The following TBC1D31 variants were observed in gnomAD, a reference collection of about 807,000 sequenced individuals.
TBC1D31 encodes TBC1 domain family member 31, also known as WD repeat domain 67.
A neutral mutation model predicts 132.9 loss-of-function variants in TBC1D31; 99 were observed. That is an observed-to-expected ratio of 0.74 (90% confidence interval 0.63 to 0.88). TBC1D31 has a LOEUF of 0.88. Among genes scored for constraint, TBC1D31 ranks in the 40% least tolerant of loss-of-function variants. The probability of loss-of-function intolerance (pLI) is 0.00; values close to 1 mark genes in which losing one functional copy is unlikely to be tolerated. For missense variants in TBC1D31, 1,134 were observed against 1,256.6 expected (o/e 0.90, Z 1.48); for synonymous variants, 385 against 419.4 (o/e 0.92, Z 1.00).
intron 11 of TBC1D31, chr8:123,123,781 G>A (rs1586680417): frequency 6.6e-6 from 1 of 152,184 alleles, no homozygotes; most frequent in South Asian, 2.1e-4. Flanking sequence ...TGAAATGTAA[G>A]GCTCCAGAAC....
the TBC1D31 span, among the ~76,000 whole-genome samples, chr8:123,164,773 C>A: frequency 6.6e-6 from 1 of 151,914 alleles, no homozygotes; most frequent in Admixed American, 6.6e-5. Context: ...GTACACAAGT[C>A]AAGTCCCCTC....
At chr8:123,114,676 A>G (rs1488739159) in intron 10 of TBC1D31, among the ~76,000 whole-genome samples, 1 of 152,228 alleles carries the variant, frequency 6.6e-6, no homozygotes, top group Non-Finnish European at 1.5e-5. Flanking sequence ...AATGACAAAA[A>G]GAATATTCCT....
rs199844255 is a variant in TBC1D31 at position 123,109,872 on chromosome 8, TC to T, written c.1436+253del. 7.5e-3 allele frequency among the ~76,000 whole-genome samples: 1,135 copies of T among 152,286 alleles called. 15 individuals are homozygous for T. The highest frequency in any genetic ancestry group is 0.026 in the African/African-American group (1,064 of 41,560). On this transcript the variant is annotated intron_variant, in intron 10 of 21. Coordinates refer to ENST00000287380, the MANE Select transcript of TBC1D31 (RefSeq NM_145647.4). ...ACTTTGGGAGGCCAAGGCGGGCAGA[TC>T]AGCTGAGGTCAGGAATTGGCGACCA...
rs76388203 is a variant in TBC1D31 at position 123,102,257 on chromosome 8, G to A, written c.1032+1250G>A. On this transcript the variant is annotated intron_variant, in intron 7 of 21. Coordinates refer to ENST00000287380, the MANE Select transcript of TBC1D31 (RefSeq NM_145647.4). ...TTTCATTTTACACAGGAAGAAGTTCGTGCTCAAAATTAATCACACAGCGAG... is the reference window on the plus strand; with the variant it reads ...TTTCATTTTACACAGGAAGAAGTTCATGCTCAAAATTAATCACACAGCGAG... The A allele has an allele frequency of 8.7e-3, 3,960 of 456,544 alleles. 139 individuals are homozygous for A. The highest frequency in any genetic ancestry group is 0.07 in the African/African-American group (3,516 of 50,138). 28.3% of individuals were successfully genotyped at this position (456,544 alleles called of 1,614,324 possible).
At chr8:123,146,343 C>CA (rs1161250431) in intron 20 of TBC1D31, among the ~76,000 whole-genome samples, 1 of 152,182 alleles carries the variant, frequency 6.6e-6, no homozygotes, top group East Asian at 1.9e-4. Flanking sequence ...CTCACTCCCC[C>CA]AAGCCCCTGG....
At chr8:123,150,751 C>T (rs1740027207) in intron 21 of TBC1D31, among the ~76,000 whole-genome samples, 1 of 152,178 alleles carries the variant, frequency 6.6e-6, no homozygotes, top group South Asian at 2.1e-4. Flanking sequence ...AGCATTAGGC[C>T]ATCCATAAAG....
intron 16 of TBC1D31, among the ~76,000 whole-genome samples, chr8:123,131,363 CAA>C (rs59929988): frequency 0.014 from 917 of 64,836 alleles, 3 homozygotes; most frequent in African/African-American, 0.048. Flanking sequence ...GACTCAGTCT[CAA>C]AAAAAAAAAA....
rs866387110 is a variant in TBC1D31 at position 123,131,322 on chromosome 8, C to T, written c.2406+989C>T. On this transcript the variant is annotated intron_variant, in intron 16 of 21. Transcript: ENST00000287380. ...GATGCTGCAGTGAGCCGAGATCATG[C>T]CACTGCACTCCAGCCTGAGCGACAG... 6.2e-5 allele frequency among the ~76,000 whole-genome samples: 9 copies of T among 144,624 alleles called. No homozygotes were observed. The South Asian group carries it at 1.3e-3, about 22-fold the overall frequency. The allele number at this position is 144,624 out of a possible 152,430, so 94.9% of individuals were successfully genotyped here. A position where few individuals can be genotyped will look rare whatever the true frequency, so the allele number is the denominator to read the frequency against.
At chr8:123,095,798 C>G (rs975594982) in intron 5 of TBC1D31, among the ~76,000 whole-genome samples, 2 of 152,116 alleles carry the variant, frequency 1.3e-5, no homozygotes, top group Non-Finnish European at 2.9e-5. Context: ...AGTCTGGGTT[C>G]TTTTTTGGGA....
chr8:123,156,475 T>C, downstream of TBC1D31, among the ~76,000 whole-genome samples: 1 of 150,502 alleles, frequency 6.6e-6, no homozygotes, highest in Non-Finnish European at 1.5e-5. Context: ...CCAGGGAAAT[T>C]GAAGAGACTC....
At chr8:123,132,698 G>T (rs767205457) in intron 16 of TBC1D31, among the ~76,000 whole-genome samples, 24 of 151,892 alleles carry the variant, frequency 1.6e-4, no homozygotes, top group Middle Eastern at 3.2e-3. Context: ...ACAGGCACCT[G>T]GCCTAAGTCT....
At chr8:123,086,930 C>A (rs1815824960) in intron 4 of TBC1D31, among the ~76,000 whole-genome samples, 1 of 152,096 alleles carries the variant, frequency 6.6e-6, no homozygotes. Context: ...GTTAGCCAGG[C>A]CGGTCTCAAA....
intron 13 of TBC1D31, among the ~76,000 whole-genome samples, chr8:123,127,225 A>C (rs1357402485): frequency 6.6e-6 from 1 of 151,402 alleles, no homozygotes. Flanking sequence ...AGCTTAAGAA[A>C]AGAATCATGA....
chr8:123,132,594 AG>A (rs1388168043), intron 16 of TBC1D31, among the ~76,000 whole-genome samples: 1 of 151,448 alleles, frequency 6.6e-6, no homozygotes. Context: ...TTGTATTTTT[AG>A]TAGAGACAGG....
At chr8:123,115,336 T>C (rs1186917824) in intron 10 of TBC1D31, among the ~76,000 whole-genome samples, 7 of 152,228 alleles carry the variant, frequency 4.6e-5, no homozygotes, top group Admixed American at 4.6e-4. Context: ...GGTTGATTTC[T>C]AGCCCTTCCA....
At chr8:123,146,975 C>T (rs1034739591) in intron 20 of TBC1D31, among the ~76,000 whole-genome samples, 5 of 152,096 alleles carry the variant, frequency 3.3e-5, no homozygotes, top group African/African-American at 1.2e-4. Context: ...CAAATCATGC[C>T]GACTCTTAAA....
downstream of TBC1D31, among the ~76,000 whole-genome samples, chr8:123,156,089 G>A (rs1362822669): frequency 1.3e-5 from 2 of 152,164 alleles, no homozygotes; most frequent in African/African-American, 2.4e-5. Context: ...TCAAGTGAAA[G>A]CCCCTGGAAT....
At chr8:123,111,487 G>A (rs1818432351) in intron 10 of TBC1D31, among the ~76,000 whole-genome samples, 1 of 152,054 alleles carries the variant, frequency 6.6e-6, no homozygotes, top group South Asian at 2.1e-4. Context: ...AACTCAGATT[G>A]AACATATAGA....
At position 123,105,279 on chromosome 8, in the gene TBC1D31, TC is replaced by T; in HGVS notation, c.1033-7del. 6.6e-7 allele frequency: 1 copy of T among 1,510,378 alleles called. No individual in the cohort carries two copies. The highest frequency in any genetic ancestry group is 1.4e-5 in the African/African-American group (1 of 71,142). 93.6% of individuals were successfully genotyped at this position (1,510,378 alleles called of 1,614,324 possible). A position where few individuals can be genotyped will look rare whatever the true frequency, so the allele number is the denominator to read the frequency against. On this transcript the variant is annotated splice_polypyrimidine_tract_variant and splice_region_variant and intron_variant, in intron 7 of 21. Transcript: ENST00000287380. ...ATTAGAATATATATATATTTATTTTTCCATTTAGCCACCTCCGCCTTTAGTG... is the reference window on the plus strand; with the variant it reads ...ATTAGAATATATATATATTTATTTTTCATTTAGCCACCTCCGCCTTTAGTG...
Sources: gnomAD v4.1 joint callset for allele counts (sites outside exome capture counted in the v4.1 genomes callset) on GRCh38, gnomAD v4.1.1 for gene constraint, MANE v1.5 for transcripts, NCBI Gene and HGNC (gene_info 2026-07-23, HGNC 2026-07-21) for gene names.